The following LPP variants were observed in gnomAD, a reference collection of about 807,000 sequenced individuals.
LPP encodes the protein lipoma-preferred partner.
Under a neutral mutation model 60.4 loss-of-function variants are expected in LPP, and 38 were observed. The ratio of observed to expected loss-of-function variants is 0.63; its 90% confidence interval spans 0.49 to 0.83. LPP has a LOEUF of 0.83. LPP is among the 40% of genes least tolerant of loss of function. The pLI is 0.00. For synonymous variants in LPP, 328 were observed against 290.8 expected, an observed-to-expected ratio of 1.13 and a Z score of -1.30; for missense variants, 902 against 783.6, an observed-to-expected ratio of 1.15 and a Z score of -1.80.
At chr3:188,581,496 C>T (rs189822602) in intron 6 of LPP, among the ~76,000 whole-genome samples, 1 of 152,222 alleles carries the variant, frequency 6.6e-6, no homozygotes, top group South Asian at 2.1e-4. Context: ...AGACATTCGA[C>T]TAAATGGTCT....
At chr3:188,659,168 C>A (rs1854021278) in intron 7 of LPP, among the ~76,000 whole-genome samples, 1 of 152,152 alleles carries the variant, frequency 6.6e-6, no homozygotes, top group African/African-American at 2.4e-5. Flanking sequence ...GATAATTTTT[C>A]TTCAGCATTA....
Position 188,880,443 on chromosome 3 carries a change from G to A in LPP, c.*5964G>A, listed in dbSNP as rs994439356. On this transcript the variant is annotated 3_prime_UTR_variant, in exon 12 of 12. Transcript: ENST00000617246. ...AATTGACAGAAGTCTCTTGATGCAC[G>A]AATAAATATCTCTACATCTAGCCTT... The A allele has an allele frequency of 5.2e-6, 1 of 190,602 alleles. No individual in the cohort carries two copies. The highest frequency in any genetic ancestry group is 1.1e-5 in the Non-Finnish European group (1 of 91,014). The allele number at this position is 190,602 out of a possible 1,614,324, so 11.8% of individuals were successfully genotyped here.
intron 4 of LPP, among the ~76,000 whole-genome samples, chr3:188,450,131 C>T (rs760026980): frequency 4.6e-5 from 7 of 152,134 alleles, no homozygotes; most frequent in South Asian, 4.2e-4. Flanking sequence ...ACATAGATAA[C>T]GTGTAAATAT....
At chr3:188,273,639 A>C (rs1216947084) in intron 2 of LPP, among the ~76,000 whole-genome samples, 4 of 108,504 alleles carry the variant, frequency 3.7e-5, no homozygotes, top group African/African-American at 1.1e-4. Context: ...CTTGTTGCCC[A>C]GGCTGGAGTT....
intron 9 of LPP, among the ~76,000 whole-genome samples, chr3:188,830,375 C>T (rs1018523746): frequency 1.3e-5 from 2 of 150,562 alleles, no homozygotes; most frequent in Non-Finnish European, 2.9e-5. Context: ...GAGGCTGAGG[C>T]GGGCAGATCA....
At chr3:188,457,013 A>G (rs886773133) in intron 4 of LPP, among the ~76,000 whole-genome samples, 2 of 152,234 alleles carry the variant, frequency 1.3e-5, no homozygotes, top group Admixed American at 1.3e-4. Context: ...CAAAGCAGAA[A>G]TTTATGAAAG....
intron 2 of LPP, chr3:188,239,766 A>G (rs796116876): frequency 4.6e-6 from 1 of 217,194 alleles, no homozygotes; most frequent in Non-Finnish European, 9.3e-6. Context: ...TTGCCCTATT[A>G]CTGCACTATT....
chr3:188,829,227 C>T (rs530296357), intron 9 of LPP, among the ~76,000 whole-genome samples: 1 of 152,302 alleles, frequency 6.6e-6, no homozygotes, highest in East Asian at 1.9e-4. Flanking sequence ...CCTCCACCGC[C>T]TCTCCTCGCC....
chr3:188,400,198 A>G (rs555694057), intron 3 of LPP, among the ~76,000 whole-genome samples: 1 of 152,294 alleles, frequency 6.6e-6, no homozygotes, highest in South Asian at 2.1e-4. Flanking sequence ...TAAGAGCAAA[A>G]ACTACTGTTA....
At chr3:188,154,286 C>A (rs1463701843) in intron 1 of LPP, among the ~76,000 whole-genome samples, 34 bp downstream of exon 1, 3 of 152,074 alleles carry the variant, frequency 2.0e-5, no homozygotes, top group Non-Finnish European at 4.4e-5. Context: ...CCCTCACCCT[C>A]CACCCGCGGG....
chr3:188,620,135 T>C (rs1409501499), intron 7 of LPP, among the ~76,000 whole-genome samples: 1 of 152,160 alleles, frequency 6.6e-6, no homozygotes, highest in Non-Finnish European at 1.5e-5. Context: ...TTAAGATAAT[T>C]TGCATACAGT....
rs142627465 is a variant in LPP, at chr3:188,718,177, A to C, written c.1240+9784A>C. Among the ~76,000 whole-genome samples, 423 of 152,316 alleles carry C rather than the reference A, an allele frequency of 2.8e-3. 3 individuals are homozygous for C. Among genetic ancestry groups the C allele is most frequent in the African/African-American group, 9.8e-3 (406 of 41,568 alleles). On this transcript the variant is annotated intron_variant, in intron 8 of 11. Transcript: ENST00000617246. ...AATCCCAGACTTAGAGTAAAGAAGA[A>C]TGTGATCTTAGAAATTATCTAGGAA...
At chr3:188,241,226 T>C (rs543770448) in intron 2 of LPP, among the ~76,000 whole-genome samples, 2 of 152,304 alleles carry the variant, frequency 1.3e-5, no homozygotes, top group East Asian at 1.9e-4. Flanking sequence ...CAACCTGCTG[T>C]TATCTGCGCA....
intron 8 of LPP, among the ~76,000 whole-genome samples, chr3:188,754,632 T>A (rs1458324763): frequency 6.6e-6 from 1 of 152,042 alleles, no homozygotes; most frequent in Non-Finnish European, 1.5e-5. Flanking sequence ...GAAATCAGAA[T>A]CTTTGGAGTT....
At chr3:188,204,798 T>G (rs1465224712) in intron 1 of LPP, among the ~76,000 whole-genome samples, 1 of 152,202 alleles carries the variant, frequency 6.6e-6, no homozygotes, top group African/African-American at 2.4e-5. Flanking sequence ...AACTCACATT[T>G]CTTTATCCTC....
rs575648752 is a variant in LPP at position 188,399,578 on chromosome 3, C to G, written c.-9-6534C>G. On this transcript the variant is annotated intron_variant, in intron 3 of 11. Transcript: ENST00000617246. The stretch of plus-strand genomic sequence containing the variant: ...TTATTCAGTGCACACTGACCAAGAG[C>G]TAGGCCTTGAGTTAGTTGCCAGGAA... Among the ~76,000 whole-genome samples the G allele has an allele frequency of 1.3e-4, 20 of 152,302 alleles. No individual in the cohort carries two copies. In the South Asian group the frequency reaches 3.9e-3, roughly 30 times the overall value.
intron 8 of LPP, among the ~76,000 whole-genome samples, chr3:188,742,514 G>C (rs1430806306): frequency 6.6e-6 from 1 of 151,990 alleles, no homozygotes; most frequent in Non-Finnish European, 1.5e-5. Context: ...TTAAAAATAT[G>C]ATGCTGAATA....
chr3:188,240,082 T>C (rs1723423411), intron 2 of LPP: 2 of 197,096 alleles, frequency 1.0e-5, no homozygotes, highest in Non-Finnish European at 2.1e-5. Context: ...GTCCTGTAGT[T>C]CATGGAGCTG....
intron 4 of LPP, among the ~76,000 whole-genome samples, chr3:188,477,678 T>A (rs887185776): frequency 6.6e-6 from 1 of 152,186 alleles, no homozygotes; most frequent in Admixed American, 6.5e-5. Flanking sequence ...TATTTAAAAA[T>A]TATAAATGGG....
Sources: allele counts gnomAD v4.1 joint callset (sites outside exome capture counted in the v4.1 genomes callset), GRCh38; gene constraint gnomAD v4.1.1; transcripts MANE v1.5; gene names NCBI Gene and HGNC (gene_info 2026-07-23, HGNC 2026-07-21).